The following DHRSX variants were observed in gnomAD, a reference collection of about 807,000 sequenced individuals.
The protein encoded by DHRSX is dehydrogenase/reductase X-linked.
In DHRSX, 31 loss-of-function variants were observed where a neutral mutation model predicts 34.0. That is an observed-to-expected ratio of 0.91 (90% CI 0.69 to 1.23). The LOEUF is 1.23. DHRSX is among the 50% of genes most tolerant of loss of function. The probability of loss-of-function intolerance (pLI) is 0.00; values close to 1 mark genes in which losing one functional copy is unlikely to be tolerated. For synonymous variants in DHRSX, 201 were observed against 183.8 expected (o/e 1.09, Z -0.76); for missense variants, 414 against 428.1 (o/e 0.97, Z 0.29).
At chrX:2,404,583 T>G (rs2043528646) in intron 3 of DHRSX, among the ~76,000 whole-genome samples, 1 of 152,314 alleles carries the variant, frequency 6.6e-6, no homozygotes, top group African/African-American at 2.4e-5. Flanking sequence ...ACTCTGCTTC[T>G]CTAGCTATAC....
At chrX:2,446,126 C>G (rs1417149279) in intron 1 of DHRSX, among the ~76,000 whole-genome samples, 2 of 150,270 alleles carry the variant, frequency 1.3e-5, no homozygotes, top group Non-Finnish European at 3.0e-5. Context: ...TGAAGACGTT[C>G]CAGAAGTGTG....
chrX:2,248,613 C>CAAAA (rs1357827255), intron 5 of DHRSX, among the ~76,000 whole-genome samples: 20 of 17,338 alleles, frequency 1.2e-3, no homozygotes, highest in African/African-American at 2.8e-3. Context: ...GACTCTGTCT[C>CAAAA]AAAAAAAAAA....
chrX:2,223,233 A>C (rs1200656835), intron 6 of DHRSX, among the ~76,000 whole-genome samples: 1 of 152,094 alleles, frequency 6.6e-6, no homozygotes, highest in African/African-American at 2.4e-5. Flanking sequence ...TGCTGTTCTC[A>C]TGATAATGAA....
rs375512346 is a variant in DHRSX, at chrX:2,330,614, AAGG to A, written c.287-39014_287-39012del. Among the ~76,000 whole-genome samples, 657 of 146,898 alleles carry A rather than the reference AAGG, an allele frequency of 4.5e-3. 4 individuals are homozygous for A. Among genetic ancestry groups the A allele is most frequent in the African/African-American group, 0.015 (609 of 39,708 alleles). On this transcript the variant is annotated intron_variant, in intron 3 of 6. Coordinates refer to ENST00000334651, the MANE Select transcript of DHRSX (RefSeq NM_145177.3). ...GGAAGGGAAGGAAAGGGAGAAGGAG[AAGG>A]AGGAGGAGAGAAAGGGAAGGAGAAG...
At chrX:2,336,101 A>G (rs1364315078) in intron 3 of DHRSX, among the ~76,000 whole-genome samples, 2 of 151,588 alleles carry the variant, frequency 1.3e-5, no homozygotes, top group African/African-American at 4.8e-5. Flanking sequence ...TCCGCCTCTC[A>G]ATTTCAAGCC....
At chrX:2,422,929 C>T (rs756045323) in intron 2 of DHRSX, among the ~76,000 whole-genome samples, 80 of 152,048 alleles carry the variant, frequency 5.3e-4, no homozygotes, top group African/African-American at 1.7e-3. Flanking sequence ...GGACTACAGG[C>T]GCCCACCACC....
chrX:2,460,582 C>CTTTT (rs71281906), intron 1 of DHRSX, among the ~76,000 whole-genome samples: 11 of 111,910 alleles, frequency 9.8e-5, no homozygotes, highest in African/African-American at 2.5e-4. Context: ...CCACGTCTGG[C>CTTTT]TTTTTTTTTT....
In DHRSX at chrX:2,226,243, C is replaced by A. The variant is rs184169558; in HGVS notation, c.805-5014G>T. On this transcript the variant is annotated intron_variant, in intron 6 of 6. Coordinates refer to ENST00000334651, the MANE Select transcript of DHRSX (RefSeq NM_145177.3). ...CTTTTCCAGGAAACAGGCAATTATA[C>A]CCACACTTACCTGCTACCTCAAGAG... is the stretch of plus-strand genomic sequence containing the variant. 2.6e-5 allele frequency among the ~76,000 whole-genome samples: 4 copies of A among 152,274 alleles called. No homozygotes were observed. In the South Asian group the frequency reaches 8.3e-4, roughly 32 times the overall value.
At chrX:2,493,909 T>C (rs1308764364) in intron 1 of DHRSX, among the ~76,000 whole-genome samples, 3 of 152,014 alleles carry the variant, frequency 2.0e-5, no homozygotes, top group Non-Finnish European at 4.4e-5. Context: ...GAAGCAGAGG[T>C]TGCAGTGAGC....
intron 2 of DHRSX, among the ~76,000 whole-genome samples, chrX:2,416,372 G>C (rs1175944191): frequency 1.3e-5 from 2 of 151,982 alleles, no homozygotes; most frequent in African/African-American, 4.8e-5. Context: ...CCCTTCCTGA[G>C]GACTGTACAA....
chrX:2,220,354 T>C lies in DHRSX; in HGVS notation c.*687A>G, dbSNP rs1490377406. 1.3e-5 allele frequency: 2 copies of C among 152,244 alleles called. No individual in the cohort carries two copies. Among genetic ancestry groups the C allele is most frequent in the Non-Finnish European group, 2.9e-5 (2 of 68,052 alleles). 9.4% of individuals were successfully genotyped at this position (152,244 alleles called of 1,614,324 possible). A position where few individuals can be genotyped will look rare whatever the true frequency, so the allele number is the denominator to read the frequency against. ...TTAATTCTATCTGCAAAGATTCTTT[T>C]CCAAATAAAGTAATATTTATAGGTT... On this transcript the variant is annotated 3_prime_UTR_variant, in exon 7 of 7. Coordinates refer to ENST00000334651, the MANE Select transcript of DHRSX (RefSeq NM_145177.3).
intron 1 of DHRSX, among the ~76,000 whole-genome samples, chrX:2,471,764 C>T (rs17842869): frequency 0.2 from 29,745 of 150,038 alleles, 4,536 homozygotes; most frequent in African/African-American, 0.39. Flanking sequence ...ATGCACATCG[C>T]TTCATCCATT....
intron 1 of DHRSX, among the ~76,000 whole-genome samples, chrX:2,485,158 C>T (rs1244260101): frequency 6.6e-6 from 1 of 152,140 alleles, no homozygotes; most frequent in African/African-American, 2.4e-5. Context: ...GAAGGAGTGC[C>T]ACACAGGCTG....
chrX:2,322,062 C>T (rs1198851031), intron 3 of DHRSX, among the ~76,000 whole-genome samples: 1 of 151,874 alleles, frequency 6.6e-6, no homozygotes, highest in Non-Finnish European at 1.5e-5. Flanking sequence ...GATTTTGGTA[C>T]ACCCATCACC....
intron 3 of DHRSX, among the ~76,000 whole-genome samples, chrX:2,378,140 T>G (rs879242141): frequency 3.2e-4 from 48 of 152,374 alleles, no homozygotes; most frequent in Admixed American, 2.4e-3. Flanking sequence ...TGGAAGGTTG[T>G]ATTTCCACCC....
intron 3 of DHRSX, among the ~76,000 whole-genome samples, chrX:2,309,912 C>G (rs1385255398): frequency 6.6e-6 from 1 of 152,116 alleles, no homozygotes; most frequent in African/African-American, 2.4e-5. Flanking sequence ...CAGAGCAAGA[C>G]CCTGTCTCAA....
At chrX:2,406,186 G>T (rs979122677) in intron 3 of DHRSX, among the ~76,000 whole-genome samples, 6 of 152,008 alleles carry the variant, frequency 3.9e-5, no homozygotes, top group African/African-American at 9.6e-5. Flanking sequence ...CAGCTACTCA[G>T]GAGGCTGAGG....
intron 2 of DHRSX, among the ~76,000 whole-genome samples, chrX:2,410,547 T>C (rs1360393043): frequency 6.6e-6 from 1 of 152,208 alleles, no homozygotes; most frequent in Non-Finnish European, 1.5e-5. Context: ...TCCTGAATAC[T>C]GAGTCAACAC....
intron 4 of DHRSX, among the ~76,000 whole-genome samples, chrX:2,275,343 C>CAAAAAAAAAAAA (rs768710073): frequency 1.6e-5 from 2 of 127,318 alleles, no homozygotes; most frequent in African/African-American, 5.6e-5. Flanking sequence ...ACTAAAAATA[C>CAAAAAAAAAAAA]AAAAAAAAAA....
Sources: gnomAD v4.1 joint callset for allele counts (sites outside exome capture counted in the v4.1 genomes callset) on GRCh38, gnomAD v4.1.1 for gene constraint, MANE v1.5 for transcripts, NCBI Gene and HGNC (gene_info 2026-07-23, HGNC 2026-07-21) for gene names.